INTU: variants seen among roughly 807,000 people sequenced by gnomAD.
The protein encoded by INTU is protein inturned.
INTU carries 68 observed loss-of-function variants against 100.5 expected under a neutral mutation model. The ratio of observed to expected loss-of-function variants is 0.68; its 90% CI spans 0.56 to 0.83. The LOEUF (loss-of-function observed/expected upper bound fraction) is 0.83. Ranked by LOEUF, INTU falls within the 40% of genes least tolerant of loss-of-function variation. The pLI is 0.00. For synonymous variants in INTU, 357 were observed against 395.7 expected, an observed-to-expected ratio of 0.90 and a Z score of 1.16; for missense variants, 1,071 against 1,114.7, an observed-to-expected ratio of 0.96 and a Z score of 0.56.
chr4:127,635,513 C>G (rs1340270086), intron 1 of INTU, among the ~76,000 whole-genome samples: 6 of 152,138 alleles, frequency 3.9e-5, no homozygotes, highest in Non-Finnish European at 8.8e-5. Flanking sequence ...GTTGTTACAT[C>G]AGTTTTAAAA....
intron 6 of INTU, among the ~76,000 whole-genome samples, chr4:127,679,876 AAGAG>A (rs993921565): frequency 3.3e-5 from 5 of 152,166 alleles, no homozygotes; most frequent in African/African-American, 4.8e-5. Flanking sequence ...TAAAGAATAA[AAGAG>A]AGAAGAATCA....
At chr4:127,662,121 T>G (rs925396295) in intron 3 of INTU, among the ~76,000 whole-genome samples, 1 of 152,160 alleles carries the variant, frequency 6.6e-6, no homozygotes, top group African/African-American at 2.4e-5. Context: ...TTTGCCCACT[T>G]TTTAATGGGA....
At chr4:127,693,760 T>C (rs1730258745) in intron 8 of INTU, among the ~76,000 whole-genome samples, 1 of 152,136 alleles carries the variant, frequency 6.6e-6, no homozygotes, top group South Asian at 2.1e-4. Flanking sequence ...TATGCTGATT[T>C]TGCTGAGGGT....
At chr4:127,644,832 T>G (rs982267004) in intron 2 of INTU, among the ~76,000 whole-genome samples, 3 of 152,238 alleles carry the variant, frequency 2.0e-5, no homozygotes, top group African/African-American at 7.2e-5. Flanking sequence ...GAGGTTTAAA[T>G]GAAGAACATT....
intron 1 of INTU, among the ~76,000 whole-genome samples, chr4:127,636,901 T>C (rs1025155782): frequency 2.0e-5 from 3 of 152,212 alleles, no homozygotes; most frequent in African/African-American, 4.8e-5. Flanking sequence ...TTTAATTTAA[T>C]ACAGATTAAA....
intron 13 of INTU, among the ~76,000 whole-genome samples, chr4:127,709,711 T>TCCCACACACA (rs1553926797): frequency 7.0e-6 from 1 of 143,304 alleles, no homozygotes; most frequent in Non-Finnish European, 1.5e-5. Flanking sequence ...CTAATAGAAT[T>TCCCACACACA]CACACACACA....
At chr4:127,672,483 T>G (rs1175491721) in intron 5 of INTU, among the ~76,000 whole-genome samples, 2 of 120,616 alleles carry the variant, frequency 1.7e-5, no homozygotes, top group Non-Finnish European at 3.6e-5. Flanking sequence ...TTTTTTTTTT[T>G]GCCTTTATTT....
rs567879149 is a variant in INTU at position 127,653,088 on chromosome 4, T to C, written c.683-3548T>C. On this transcript the variant is annotated intron_variant, in intron 2 of 15. Transcript: ENST00000335251. ...TGATATCTCCTTTATCATTTTTTAT[T>C]GTGTCTATTTGATTCTTCTCTCTTT... Among the ~76,000 whole-genome samples the C allele has an allele frequency of 5.9e-5, 9 of 151,810 alleles. No homozygotes were observed. In the South Asian group the frequency reaches 1.9e-3, roughly 32 times the overall value.
chr4:127,679,954 C>T (rs867905276), intron 6 of INTU, among the ~76,000 whole-genome samples: 3 of 152,220 alleles, frequency 2.0e-5, no homozygotes, highest in South Asian at 2.1e-4. Context: ...TACAAACTAC[C>T]GTCAGAGAAT....
intron 8 of INTU, among the ~76,000 whole-genome samples, chr4:127,696,144 C>T (rs1730372015): frequency 6.6e-6 from 1 of 151,888 alleles, no homozygotes; most frequent in Non-Finnish European, 1.5e-5. Flanking sequence ...ACTGGCCTGT[C>T]ATTTTTTTTG....
At chr4:127,661,767 C>T (rs187006566) in intron 3 of INTU, among the ~76,000 whole-genome samples, 145 of 152,230 alleles carry the variant, frequency 9.5e-4, no homozygotes, top group Admixed American at 3.2e-3. Context: ...ACTCCTAAAT[C>T]CTCATTCTCA....
At chr4:127,636,661 A>G (rs1190507353) in intron 1 of INTU, among the ~76,000 whole-genome samples, 2 of 151,380 alleles carry the variant, frequency 1.3e-5, no homozygotes, top group African/African-American at 4.9e-5. Flanking sequence ...AACACAAAAT[A>G]TTTTGCTGGT....
At position 127,717,763 on chromosome 4, in the gene INTU, T is replaced by C. The variant is rs967389605; in HGVS notation, c.*1327T>C. 6.6e-6 allele frequency: 1 copy of C among 152,230 alleles called. No individual in the cohort carries two copies. Among genetic ancestry groups the C allele is most frequent in the African/African-American group, 2.4e-5 (1 of 41,458 alleles). The allele number at this position is 152,230 out of a possible 1,614,324, so 9.4% of individuals were successfully genotyped here. On this transcript the variant is annotated 3_prime_UTR_variant, in exon 16 of 16. Transcript: ENST00000335251. ...AGTGATATTGAGCTTTTTTTTCATA[T>C]GTTTGTTGGCTGCATGAATGTCTTC...
chr4:127,657,502 G>T (rs1490587430), intron 3 of INTU, among the ~76,000 whole-genome samples: 2 of 152,012 alleles, frequency 1.3e-5, no homozygotes, highest in Non-Finnish European at 2.9e-5. Context: ...TGGCCTGTTA[G>T]GAACTGGACT....
At chr4:127,699,097 G>A (rs1228111503) in intron 8 of INTU, among the ~76,000 whole-genome samples, 1 of 152,056 alleles carries the variant, frequency 6.6e-6, no homozygotes, top group Non-Finnish European at 1.5e-5. Flanking sequence ...AGATTCTCTG[G>A]GAGGCGGATT....
At chr4:127,703,922 A>G (rs1482738810) in intron 9 of INTU, among the ~76,000 whole-genome samples, 1 of 152,162 alleles carries the variant, frequency 6.6e-6, no homozygotes, top group Non-Finnish European at 1.5e-5. Context: ...TAGATGATGT[A>G]GAGTAAAAGT....
intron 3 of INTU, among the ~76,000 whole-genome samples, chr4:127,663,053 T>C (rs1728541606): frequency 6.6e-6 from 1 of 152,210 alleles, no homozygotes; most frequent in Non-Finnish European, 1.5e-5. Flanking sequence ...CAGATCATAC[T>C]AATTTCTGGT....
chr4:127,683,050 A>G (rs2126226350), intron 6 of INTU, among the ~76,000 whole-genome samples: 1 of 152,268 alleles, frequency 6.6e-6, no homozygotes, highest in African/African-American at 2.4e-5. Flanking sequence ...TTTCCAGGTG[A>G]GTTTGTATCC....
rs755604492 is a variant in INTU, at chr4:127,687,795, C to T, written c.1377C>T (p.Tyr459=). 1.4e-5 allele frequency: 22 copies of T among 1,613,252 alleles called. No individual in the cohort carries two copies. Among genetic ancestry groups the T allele is most frequent in the African/African-American group, 1.2e-4 (9 of 74,900 alleles). Residue 459 remains tyrosine (Y), a synonymous_variant, in exon 8 of 16, where the codon TAC becomes TAT. Transcript: ENST00000335251. The part of the protein sequence containing the change: ...HSSASPSAQQ[Y]DASSAVLLDN... Reference sequence around the variant, plus strand: ...GCGCCAGTCCCAGTGCTCAGCAGTACGATGCTTCCAGTGCAGTACTTTTAG... The same window carrying T: ...GCGCCAGTCCCAGTGCTCAGCAGTATGATGCTTCCAGTGCAGTACTTTTAG...
Sources: allele counts gnomAD v4.1 joint callset (sites outside exome capture counted in the v4.1 genomes callset), GRCh38; gene constraint gnomAD v4.1.1; transcripts MANE v1.5; gene names NCBI Gene and HGNC (gene_info 2026-07-23, HGNC 2026-07-21).